CTNNA3: variants seen among roughly 807,000 people sequenced by gnomAD.
CTNNA3 encodes the protein catenin alpha 3.
In CTNNA3, 76 loss-of-function variants were observed where a neutral mutation model predicts 95.7. The ratio of observed to expected loss-of-function variants is 0.79; its 90% CI spans 0.66 to 0.96. The LOEUF is 0.96. CTNNA3 is among the 40% of genes least tolerant of loss of function. The pLI is 0.00. For missense variants in CTNNA3, 1,191 were observed against 1,089.8 expected (o/e 1.09, Z -1.31); for synonymous variants, 431 against 374.4 (o/e 1.15, Z -1.74).
intron 5 of CTNNA3, among the ~76,000 whole-genome samples, chr10:67,259,727 T>C (rs1447840542): frequency 6.6e-6 from 1 of 152,222 alleles, no homozygotes; most frequent in African/African-American, 2.4e-5. Context: ...TTTTGCCTAA[T>C]TGGCAAACAT....
At chr10:66,926,094 G>A (rs1005258400) in intron 7 of CTNNA3, 10 of 457,990 alleles carry the variant, frequency 2.2e-5, no homozygotes, top group Non-Finnish European at 3.9e-5. Flanking sequence ...CGTGTGCGCG[G>A]TACGGGGCTC....
intron 9 of CTNNA3, among the ~76,000 whole-genome samples, chr10:66,719,070 T>C (rs1848544381): frequency 6.6e-6 from 1 of 152,148 alleles, no homozygotes; most frequent in Admixed American, 6.5e-5. Flanking sequence ...GTTCTCCAAA[T>C]ATGCTGTGCA....
chr10:67,706,572 TC>T, intron 1 of CTNNA3, among the ~76,000 whole-genome samples: 1 of 152,050 alleles, frequency 6.6e-6, no homozygotes, highest in East Asian at 1.9e-4. Context: ...CCATTCCAAG[TC>T]CCTTGGGAGG....
chr10:66,921,171 T>A (rs936223851), intron 7 of CTNNA3, among the ~76,000 whole-genome samples: 3 of 152,204 alleles, frequency 2.0e-5, no homozygotes, highest in Non-Finnish European at 4.4e-5. Context: ...CCTTCTCTTG[T>A]AGCAGAGAGA....
intron 5 of CTNNA3, among the ~76,000 whole-genome samples, chr10:67,467,653 T>A (rs918628892): frequency 6.6e-6 from 1 of 152,038 alleles, no homozygotes; most frequent in Non-Finnish European, 1.5e-5. Context: ...CTCTCTAGGT[T>A]GTAACTCATG....
intron 7 of CTNNA3, among the ~76,000 whole-genome samples, chr10:66,850,337 A>G (rs927461025): frequency 2.0e-5 from 3 of 152,176 alleles, no homozygotes; most frequent in Admixed American, 6.5e-5. Context: ...CTACGTGCCT[A>G]TGGGACACAT....
chr10:67,398,548 G>T lies in CTNNA3; in HGVS notation c.579+123294C>A, dbSNP rs145848114. Among the ~76,000 whole-genome samples, 3,740 of 152,246 alleles carry T rather than the reference G, an allele frequency of 0.025. 301 individuals are homozygous for T. The East Asian group carries it at 0.29, about 12-fold the overall frequency. ...GGACTTGTACTTTTGGGTTAATGCTGGAATGAGTTAAGACTTTGGGGGACT... is the reference window on the plus strand; with the variant it reads ...GGACTTGTACTTTTGGGTTAATGCTTGAATGAGTTAAGACTTTGGGGGACT... On this transcript the variant is annotated intron_variant, in intron 5 of 17. Coordinates refer to ENST00000433211, the MANE Select transcript of CTNNA3 (RefSeq NM_013266.4).
rs913279700 is a variant in CTNNA3 at position 67,487,510 on chromosome 10, A to T, written c.579+34332T>A. ...GTTCCCTACACCTAATTTTGGTGGT[A>T]GGGGAAAAAATGTAAAATCATCTGG... On this transcript the variant is annotated intron_variant, in intron 5 of 17. Coordinates refer to ENST00000433211, the MANE Select transcript of CTNNA3 (RefSeq NM_013266.4). 4.6e-5 allele frequency among the ~76,000 whole-genome samples: 7 copies of T among 152,248 alleles called. No homozygotes were observed. The South Asian group carries it at 1.5e-3, about 32-fold the overall frequency.
intron 8 of CTNNA3, among the ~76,000 whole-genome samples, chr10:66,771,268 C>T (rs1413728716): frequency 1.3e-5 from 2 of 152,012 alleles, no homozygotes; most frequent in African/African-American, 4.8e-5. Context: ...CAAATTTTAG[C>T]CTGCCTTTAG....
chr10:66,903,268 G>A (rs967110618), intron 7 of CTNNA3, among the ~76,000 whole-genome samples: 3 of 152,064 alleles, frequency 2.0e-5, no homozygotes, highest in Non-Finnish European at 2.9e-5. Context: ...CAGAACCAAC[G>A]ACAAAAAACA....
At chr10:66,135,728 T>C (rs74142683) in intron 13 of CTNNA3, among the ~76,000 whole-genome samples, 32,400 of 152,038 alleles carry the variant, frequency 0.21, 3,630 homozygotes, top group Admixed American at 0.26. Flanking sequence ...TGCGGAGATA[T>C]TGCAGACACC....
At chr10:67,645,124 G>A (rs1057353136) in intron 2 of CTNNA3, among the ~76,000 whole-genome samples, 2 of 151,780 alleles carry the variant, frequency 1.3e-5, no homozygotes, top group African/African-American at 4.8e-5. Context: ...AATTTTATAG[G>A]TGAACTCAAT....
At chr10:66,092,274 T>G (rs2133697463) in intron 14 of CTNNA3, among the ~76,000 whole-genome samples, 1 of 152,142 alleles carries the variant, frequency 6.6e-6, no homozygotes, top group South Asian at 2.1e-4. Context: ...AACTTTCTGC[T>G]TCTTCCTGAA....
At chr10:67,567,350 A>T (rs1300453966) in intron 3 of CTNNA3, among the ~76,000 whole-genome samples, 3 of 152,096 alleles carry the variant, frequency 2.0e-5, no homozygotes, top group African/African-American at 7.2e-5. Context: ...CAAAAAGACA[A>T]ATATTGCATG....
At chr10:67,181,249 A>G (rs2132141005) in intron 6 of CTNNA3, among the ~76,000 whole-genome samples, 1 of 152,348 alleles carries the variant, frequency 6.6e-6, no homozygotes, top group Admixed American at 6.5e-5. Context: ...GATCTATTAT[A>G]ACTTCCAGCT....
chr10:66,535,327 G>A (rs1322862539), intron 10 of CTNNA3, among the ~76,000 whole-genome samples: 2 of 152,180 alleles, frequency 1.3e-5, no homozygotes, highest in Non-Finnish European at 2.9e-5. Context: ...AGGGCAGGTT[G>A]AGCTGTAACA....
At chr10:66,461,177 G>A (rs890789874) in intron 11 of CTNNA3, among the ~76,000 whole-genome samples, 7 of 152,020 alleles carry the variant, frequency 4.6e-5, no homozygotes, top group African/African-American at 7.2e-5. Flanking sequence ...CAGGATGTGC[G>A]CATTTCCCCA....
At chr10:66,182,544 C>A (rs1038403427) in intron 13 of CTNNA3, among the ~76,000 whole-genome samples, 1 of 152,038 alleles carries the variant, frequency 6.6e-6, no homozygotes, top group African/African-American at 2.4e-5. Flanking sequence ...CGTGAGCCAC[C>A]GCGCCCGGCC....
chr10:67,639,758 CAT>C (rs1839458766), intron 2 of CTNNA3, among the ~76,000 whole-genome samples: 1 of 152,130 alleles, frequency 6.6e-6, no homozygotes, highest in South Asian at 2.1e-4. Context: ...ACAAAAACCA[CAT>C]GATTATCTCA....
Sources: allele counts gnomAD v4.1 joint callset (sites outside exome capture counted in the v4.1 genomes callset), GRCh38; gene constraint gnomAD v4.1.1; transcripts MANE v1.5; gene names NCBI Gene and HGNC (gene_info 2026-07-23, HGNC 2026-07-21).